Variants in TRHDE observed in about 807,000 individuals in gnomAD.
TRHDE encodes the protein thyrotropin releasing hormone degrading enzyme.
TRHDE carries 72 observed loss-of-function variants against 125.7 expected under a neutral mutation model. The ratio of observed to expected loss-of-function variants is 0.57; its 90% CI spans 0.47 to 0.70. The LOEUF (loss-of-function observed/expected upper bound fraction) is 0.70. Ranked by LOEUF, TRHDE falls within the 30% of genes least tolerant of loss-of-function variation. TRHDE has a pLI of 0.00. For synonymous variants in TRHDE, 509 were observed against 509.1 expected (o/e 1.00, Z 0.00); for missense variants, 1,110 against 1,327.1 (o/e 0.84, Z 2.54).
At chr12:72,227,957 C>T (rs1025730962) in intron 2 of TRHDE, among the ~76,000 whole-genome samples, 4 of 152,184 alleles carry the variant, frequency 2.6e-5, no homozygotes, top group African/African-American at 9.6e-5. Context: ...GGCAGCTCTG[C>T]CCCTGTGGCT....
At position 72,093,253 on chromosome 12, in the gene TRHDE, C is replaced by T. The variant is rs530759602; in HGVS notation, n.174+5814C>T. Among the ~76,000 whole-genome samples, 15 of 152,218 alleles carry T rather than the reference C, an allele frequency of 9.9e-5. No individual in the cohort carries two copies. The East Asian group carries it at 2.7e-3, about 27-fold the overall frequency. ...TTCTTCTTGCTGCATTCAAAATTTC[C>T]TTTTTGTCCTTGACTTCTGACAATT... On this transcript the variant is annotated intron_variant and non_coding_transcript_variant, in intron 1 of 4. Coordinates refer to the TRHDE transcript ENST00000548156.
rs1300301182 is a variant in TRHDE at position 72,635,919 on chromosome 12, T to C, written c.2675+14168T>C. Among the ~76,000 whole-genome samples the C allele has an allele frequency of 3.3e-5, 5 of 152,118 alleles. No homozygotes were observed. In the East Asian group the frequency reaches 9.6e-4, roughly 29 times the overall value. ...TGGTTACTGTAGCCTTGTAGTATAG[T>C]TTGAAGTCAGGTAGCATGATGCCTC... On this transcript the variant is annotated intron_variant, in intron 15 of 18. Transcript: ENST00000261180.
chr12:72,447,181 G>T (rs867311744), intron 3 of TRHDE, among the ~76,000 whole-genome samples: 5 of 152,058 alleles, frequency 3.3e-5, no homozygotes, highest in African/African-American at 4.8e-5. Flanking sequence ...AGACCACAGT[G>T]CAATCAAACT....
chr12:72,495,144 C>T (rs1311647020), intron 5 of TRHDE, among the ~76,000 whole-genome samples: 1 of 127,396 alleles, frequency 7.8e-6, no homozygotes, highest in Non-Finnish European at 1.6e-5. Flanking sequence ...TCTCTTTCAT[C>T]GACTAAGGGA....
At chr12:72,194,544 C>T (rs1268986251) in intron 2 of TRHDE, among the ~76,000 whole-genome samples, 3 of 152,194 alleles carry the variant, frequency 2.0e-5, no homozygotes, top group East Asian at 3.9e-4. Context: ...CCCCTCCTTT[C>T]CCCTGCTAGT....
rs545226326 is a variant in TRHDE at position 72,454,196 on chromosome 12, A to T, written c.1316-15562A>T. ...CTTGTTGATAAATTTGTTTTTTTTT[A>T]AAAAAAATATGTAATCAACTCTTTG... On this transcript the variant is annotated intron_variant, in intron 3 of 18. Coordinates refer to ENST00000261180, the MANE Select transcript of TRHDE (RefSeq NM_013381.3). Among the ~76,000 whole-genome samples, 564 of 146,790 alleles carry T rather than the reference A, an allele frequency of 3.8e-3. 2 individuals carry two copies. Among genetic ancestry groups the T allele is most frequent in the Admixed American group, 8.9e-3 (130 of 14,536 alleles).
chr12:72,259,503 T>C (rs1348764215), intron 2 of TRHDE, among the ~76,000 whole-genome samples: 1 of 152,180 alleles, frequency 6.6e-6, no homozygotes, highest in African/African-American at 2.4e-5. Context: ...GGCATTAAAC[T>C]TGCTCATTGC....
At chr12:72,381,629 C>T (rs1288722405) in intron 3 of TRHDE, among the ~76,000 whole-genome samples, 1 of 152,038 alleles carries the variant, frequency 6.6e-6, no homozygotes, top group African/African-American at 2.4e-5. Flanking sequence ...ATCTCCTGAC[C>T]TCGTGATCCG....
intron 12 of TRHDE, among the ~76,000 whole-genome samples, chr12:72,603,064 G>A (rs944765872): frequency 2.0e-5 from 3 of 152,064 alleles, no homozygotes; most frequent in East Asian, 3.9e-4. Context: ...AGTTCAAAGA[G>A]TTCAGATAAA....
At chr12:72,446,507 A>T (rs1276216864) in intron 3 of TRHDE, among the ~76,000 whole-genome samples, 2 of 152,064 alleles carry the variant, frequency 1.3e-5, no homozygotes, top group Non-Finnish European at 2.9e-5. Flanking sequence ...CACACATAAC[A>T]ATATTAACCT....
At chr12:72,465,368 A>G (rs527393176) in intron 3 of TRHDE, among the ~76,000 whole-genome samples, 1 of 152,268 alleles carries the variant, frequency 6.6e-6, no homozygotes, top group South Asian at 2.1e-4. Flanking sequence ...GCTATCTTCT[A>G]ACTCCTCCCA....
chr12:72,515,067 T>C (rs1293957470), intron 6 of TRHDE, among the ~76,000 whole-genome samples: 5 of 138,364 alleles, frequency 3.6e-5, no homozygotes, highest in Non-Finnish European at 6.1e-5. Context: ...TTCCAAGTCT[T>C]TGCTATTGTG....
intron 1 of TRHDE, among the ~76,000 whole-genome samples, chr12:72,285,562 C>T (rs1879851993): frequency 6.9e-6 from 1 of 144,282 alleles, no homozygotes; most frequent in Non-Finnish European, 1.5e-5. Flanking sequence ...CGCTCTGTCG[C>T]CAGGCTGGAG....
At chr12:72,318,658 C>A (rs2135707567) in intron 2 of TRHDE, among the ~76,000 whole-genome samples, 1 of 152,216 alleles carries the variant, frequency 6.6e-6, no homozygotes. Context: ...TGAATTCAAA[C>A]TGATCCTTTT....
At chr12:72,159,630 C>T (rs1208586959) in intron 2 of TRHDE, among the ~76,000 whole-genome samples, 2 of 152,150 alleles carry the variant, frequency 1.3e-5, no homozygotes, top group Non-Finnish European at 2.9e-5. Context: ...GTTATATCTT[C>T]CAATTATTTT....
At chr12:72,420,813 C>A (rs1325226445) in intron 3 of TRHDE, among the ~76,000 whole-genome samples, 1 of 152,184 alleles carries the variant, frequency 6.6e-6, no homozygotes, top group East Asian at 1.9e-4. Context: ...AAACTCCCAA[C>A]ATACTCTCAA....
At chr12:72,383,762 T>A (rs547565642) in intron 3 of TRHDE, among the ~76,000 whole-genome samples, 39 of 150,000 alleles carry the variant, frequency 2.6e-4, no homozygotes, top group African/African-American at 9.6e-4. Flanking sequence ...ATTTAGGCAC[T>A]CAGTGACTAA....
chr12:72,644,688 A>G (rs2136103591), intron 15 of TRHDE, among the ~76,000 whole-genome samples: 1 of 152,370 alleles, frequency 6.6e-6, no homozygotes, highest in African/African-American at 2.4e-5. Context: ...TCTACTGCTC[A>G]GCACAGAGCA....
chr12:72,490,992 C>CAAA (rs71438815), intron 5 of TRHDE, among the ~76,000 whole-genome samples: 1 of 119,352 alleles, frequency 8.4e-6, no homozygotes. Context: ...GCCACAAAAC[C>CAAA]AAAAAAAAAA....
Sources: allele counts gnomAD v4.1 joint callset (sites outside exome capture counted in the v4.1 genomes callset), GRCh38; gene constraint gnomAD v4.1.1; transcripts MANE v1.5; gene names NCBI Gene and HGNC (gene_info 2026-07-23, HGNC 2026-07-21).